INTU: variants seen among roughly 807,000 people sequenced by gnomAD.
The protein encoded by INTU is protein inturned.
In INTU, 68 loss-of-function variants were observed where a neutral mutation model predicts 100.5. The ratio of observed to expected loss-of-function variants is 0.68; its 90% CI spans 0.56 to 0.83. INTU has a LOEUF of 0.83. Ranked by LOEUF, INTU falls within the 40% of genes least tolerant of loss-of-function variation. INTU has a pLI of 0.00. For synonymous variants in INTU, 357 were observed against 395.7 expected, an observed-to-expected ratio of 0.90 and a Z score of 1.16; for missense variants, 1,071 against 1,114.7, an observed-to-expected ratio of 0.96 and a Z score of 0.56.
chr4:127,636,683 G>A (rs1040881931), intron 1 of INTU, among the ~76,000 whole-genome samples: 3 of 148,024 alleles, frequency 2.0e-5, no homozygotes, highest in African/African-American at 7.5e-5. Flanking sequence ...TGTGATTTTT[G>A]TTCTGCCAGA....
chr4:127,669,755 A>G (rs574531933), intron 5 of INTU, among the ~76,000 whole-genome samples: 15 of 151,952 alleles, frequency 9.9e-5, no homozygotes, highest in African/African-American at 3.1e-4. Context: ...TCCACATTCT[A>G]TGTCCATGTG....
chr4:127,707,643 C>CTG lies in INTU; in HGVS notation c.2271+690_2271+691dup, dbSNP rs559591609. 1.3e-3 allele frequency among the ~76,000 whole-genome samples: 191 copies of CTG among 149,314 alleles called. 1 individual carries two copies. The highest frequency in any genetic ancestry group is 6.8e-3 in the South Asian group (32 of 4,708). ...ACCCTAAATGTGTGTATTTGTGTGT[C>CTG]TGTGTGTGTGTGTGTGTATGTCTCT... On this transcript the variant is annotated intron_variant, in intron 12 of 15. Transcript: ENST00000335251.
chr4:127,638,236 G>C (rs1373720803), intron 1 of INTU, among the ~76,000 whole-genome samples: 1 of 152,160 alleles, frequency 6.6e-6, no homozygotes, highest in African/African-American at 2.4e-5. Flanking sequence ...GTTTTTCTCT[G>C]TTCCTAGAAT....
chr4:127,649,309 T>C (rs1727725300), intron 2 of INTU, among the ~76,000 whole-genome samples: 1 of 152,190 alleles, frequency 6.6e-6, no homozygotes, highest in South Asian at 2.1e-4. Context: ...TTGCTCAGGA[T>C]GGAAACATAT....
intron 6 of INTU, among the ~76,000 whole-genome samples, chr4:127,676,921 T>TA (rs1578583894): frequency 6.6e-6 from 1 of 152,030 alleles, no homozygotes; most frequent in Non-Finnish European, 1.5e-5. Flanking sequence ...CCAACAGGCT[T>TA]AAAAAAAGGC....
intron 5 of INTU, 60 bp downstream of exon 5, chr4:127,669,214 C>G: frequency 1.3e-6 from 1 of 758,702 alleles, no homozygotes; most frequent in South Asian, 1.8e-5. Flanking sequence ...TTCACCCTGA[C>G]AAAATGCTAA....
In INTU at chr4:127,719,728, G is replaced by T. The variant is rs546792927; in HGVS notation, c.*3292G>T. On this transcript the variant is annotated 3_prime_UTR_variant, in exon 16 of 16. Transcript: ENST00000335251. Reference sequence around the variant, plus strand: ...AGTCTTGGGAGGGTGTATGTGTCCAGGAATTTATCCATTTCTTCTAGATTT... The same window carrying T: ...AGTCTTGGGAGGGTGTATGTGTCCATGAATTTATCCATTTCTTCTAGATTT... The T allele has an allele frequency of 2.0e-5, 3 of 152,074 alleles. No homozygotes were observed. The highest frequency in any genetic ancestry group is 7.2e-5 in the African/African-American group (3 of 41,398). The allele number at this position is 152,074 out of a possible 1,614,324, so 9.4% of individuals were successfully genotyped here.
intron 2 of INTU, among the ~76,000 whole-genome samples, chr4:127,651,606 G>A (rs1329021593): frequency 6.6e-6 from 1 of 152,170 alleles, no homozygotes; most frequent in Non-Finnish European, 1.5e-5. Flanking sequence ...GTACCATGCT[G>A]TTTTGGTTAC....
rs866244795 is a variant in INTU at position 127,679,319 on chromosome 4, C to A, written c.1182-5090C>A. On this transcript the variant is annotated intron_variant, in intron 6 of 15. Coordinates refer to ENST00000335251, the MANE Select transcript of INTU (RefSeq NM_015693.4). ...ATATACATTTTTTTCAGCACCACAC[C>A]ACACCTATTCCAAAATTGACCACAT... Among the ~76,000 whole-genome samples the A allele has an allele frequency of 7.8e-4, 118 of 152,190 alleles. No individual in the cohort carries two copies. In the Middle Eastern group the frequency reaches 0.01, roughly 13 times the overall value.
intron 3 of INTU, 21 bp from the exon 4 acceptor site, chr4:127,663,360 A>T: frequency 6.3e-7 from 1 of 1,591,226 alleles, no homozygotes; most frequent in Non-Finnish European, 8.6e-7. Context: ...AAAAGTCAAC[A>T]CATTGTTTTA....
At chr4:127,699,124 G>C (rs1560873249) in intron 8 of INTU, 1 of 152,048 alleles carries the variant, frequency 6.6e-6, no homozygotes, top group Non-Finnish European at 1.5e-5. Flanking sequence ...AGCTGAGATT[G>C]CGCCACTGCA....
At chr4:127,714,421 CCT>C (rs1260014091) in intron 15 of INTU, among the ~76,000 whole-genome samples, 1 of 152,022 alleles carries the variant, frequency 6.6e-6, no homozygotes, top group Admixed American at 6.6e-5. Flanking sequence ...CTTCCCTTCC[CCT>C]CTCTCTGGCC....
chr4:127,653,110 CTT>C (rs1326946707), intron 2 of INTU, among the ~76,000 whole-genome samples: 1 of 150,630 alleles, frequency 6.6e-6, no homozygotes, highest in African/African-American at 2.4e-5. Flanking sequence ...ATTCTTCTCT[CTT>C]TTTTTCTTTA....
intron 1 of INTU, 117 bp downstream of exon 1, chr4:127,633,297 T>C: frequency 1.9e-6 from 2 of 1,044,872 alleles, no homozygotes; most frequent in South Asian, 1.8e-5. Context: ...TGGGGTTCTA[T>C]AATAAGTGGG....
At chr4:127,682,611 G>A (rs1324075863) in intron 6 of INTU, among the ~76,000 whole-genome samples, 1 of 106,534 alleles carries the variant, frequency 9.4e-6, no homozygotes, top group African/African-American at 3.6e-5. Context: ...GGGGGGAGGG[G>A]GGAGGGATAG....
chr4:127,712,392 T>G (rs1731125671), intron 14 of INTU, among the ~76,000 whole-genome samples: 1 of 152,180 alleles, frequency 6.6e-6, no homozygotes, highest in African/African-American at 2.4e-5. Flanking sequence ...TGATAAATGT[T>G]ATAAAGGAAT....
intron 10 of INTU, among the ~76,000 whole-genome samples, chr4:127,705,314 G>A (rs1157265212): frequency 6.6e-6 from 1 of 152,140 alleles, no homozygotes; most frequent in African/African-American, 2.4e-5. Context: ...TCAGAATTCA[G>A]TTATTTTCTA....
Position 127,643,829 on chromosome 4 carries a change from T to G in INTU, c.455T>G (p.Val152Gly), listed in dbSNP as rs554977722. The change falls in exon 2 of 16, where the codon GTC becomes GGC. Residue 152 changes from valine (V) to glycine (G), a missense_variant. Val to Gly is a moderately radical substitution (Grantham distance 109). Coordinates refer to ENST00000335251, the MANE Select transcript of INTU (RefSeq NM_015693.4). ...LKHQSNQKTG[V>G]IVQQRYKDVN... Reference sequence around the variant, plus strand: ...CATCAGTCCAATCAGAAGACAGGAGTCATTGTCCAACAGCGATACAAAGAT... The same window carrying G: ...CATCAGTCCAATCAGAAGACAGGAGGCATTGTCCAACAGCGATACAAAGAT... The G allele has an allele frequency of 5.0e-6, 8 of 1,613,250 alleles. No homozygotes were observed. The highest frequency in any genetic ancestry group is 6.8e-6 in the Non-Finnish European group (8 of 1,179,874).
At chr4:127,641,286 C>T (rs1727322693) in intron 1 of INTU, among the ~76,000 whole-genome samples, 1 of 152,096 alleles carries the variant, frequency 6.6e-6, no homozygotes, top group Admixed American at 6.6e-5. Flanking sequence ...TTCTTACCTG[C>T]ACTACAAAAG....
Sources: gnomAD v4.1 joint callset for allele counts (sites outside exome capture counted in the v4.1 genomes callset) on GRCh38, gnomAD v4.1.1 for gene constraint, MANE v1.5 for transcripts, NCBI Gene and HGNC (gene_info 2026-07-23, HGNC 2026-07-21) for gene names.